Variants in PIERCE2 observed in about 807,000 individuals in gnomAD.
PIERCE2 encodes the protein piercer of microtubule wall 2.
At chr15:55,414,386 T>G in the PIERCE2 span, among the ~76,000 whole-genome samples, 1 of 151,860 alleles carries the variant, frequency 6.6e-6, no homozygotes, top group African/African-American at 2.4e-5. Context: ...ATTTTTTGTA[T>G]TTTTAGTAGA....
the PIERCE2 span, chr15:55,418,121 G>C: frequency 6.3e-7 from 1 of 1,583,204 alleles, no homozygotes; most frequent in Non-Finnish European, 8.5e-7. Context: ...ATGCCCTCAA[G>C]AGAACAGAAT....
chr15:55,411,072 T>C, the PIERCE2 span: 2 of 152,218 alleles, frequency 1.3e-5, no homozygotes, highest in Admixed American at 6.5e-5. Flanking sequence ...TAAGTGAATA[T>C]TAGCAAACCA....
chr15:55,412,735 G>C, the PIERCE2 span, among the ~76,000 whole-genome samples: 9 of 151,968 alleles, frequency 5.9e-5, no homozygotes, highest in African/African-American at 2.2e-4. Context: ...TTTGTGAACA[G>C]CCAGTGCACT....
chr15:55,417,327 T>C, the PIERCE2 span, among the ~76,000 whole-genome samples: 1 of 152,198 alleles, frequency 6.6e-6, no homozygotes, highest in Admixed American at 6.6e-5. Flanking sequence ...CCTTGCCTTA[T>C]AGTCAATCTT....
At chr15:55,410,561 A>G in the PIERCE2 span, 1 of 152,348 alleles carries the variant, frequency 6.6e-6, no homozygotes, top group Non-Finnish European at 1.5e-5. Context: ...AGGCAAGAGA[A>G]TCGCTTGAAT....
At chr15:55,418,518 C>A in the PIERCE2 span, 1 of 1,524,032 alleles carries the variant, frequency 6.6e-7, no homozygotes, top group Non-Finnish European at 8.8e-7. Flanking sequence ...CTAAATACTG[C>A]ACCTGACAGA....
At chr15:55,409,942 CAT>C in the PIERCE2 span, among the ~76,000 whole-genome samples, 2 of 152,144 alleles carry the variant, frequency 1.3e-5, no homozygotes, top group Non-Finnish European at 2.9e-5. Flanking sequence ...AAGTTGATGA[CAT>C]GTGGCAGATA....
At chr15:55,415,441 A>G in the PIERCE2 span, among the ~76,000 whole-genome samples, 154 of 138,812 alleles carry the variant, frequency 1.1e-3, no homozygotes, top group Non-Finnish European at 1.6e-3. Flanking sequence ...GGGGGACGAG[A>G]GTGAAACTTC....
the PIERCE2 span, chr15:55,417,734 A>T: frequency 2.3e-5 from 4 of 174,692 alleles, no homozygotes; most frequent in Non-Finnish European, 4.9e-5. Context: ...CAACGTCAAG[A>T]GAAGAGACCA....
the PIERCE2 span, among the ~76,000 whole-genome samples, chr15:55,409,935 TTGA>T: frequency 2.0e-5 from 3 of 152,212 alleles, no homozygotes; most frequent in Non-Finnish European, 4.4e-5. Flanking sequence ...TTAATAAAAG[TTGA>T]TGACATGTGG....
the PIERCE2 span, among the ~76,000 whole-genome samples, chr15:55,413,683 C>A: frequency 1.4e-5 from 2 of 140,780 alleles, no homozygotes; most frequent in Non-Finnish European, 1.5e-5. Context: ...TCGCTTGAAC[C>A]TGGGAGGCAG....
the PIERCE2 span, among the ~76,000 whole-genome samples, chr15:55,417,543 C>T: frequency 6.6e-6 from 1 of 152,190 alleles, no homozygotes; most frequent in Non-Finnish European, 1.5e-5. Flanking sequence ...GTTCCTTTCT[C>T]ACTCTAAAAT....
At chr15:55,408,805 C>T in the PIERCE2 span, 13 of 1,510,678 alleles carry the variant, frequency 8.6e-6, no homozygotes, top group Non-Finnish European at 1.1e-5. Context: ...AGGCAGAGGG[C>T]TAGATGTTTG....
chr15:55,408,713 G>C, the PIERCE2 span: 15 of 1,321,826 alleles, frequency 1.1e-5, no homozygotes, highest in Non-Finnish European at 1.4e-5. Flanking sequence ...CGGCTTTCTT[G>C]CCATCTGCTG....
the PIERCE2 span, among the ~76,000 whole-genome samples, chr15:55,411,693 G>A: frequency 3.9e-5 from 6 of 151,900 alleles, no homozygotes; most frequent in Admixed American, 6.6e-5. Context: ...AGGCCGAGGC[G>A]GGCGGATCAC....
the PIERCE2 span, chr15:55,408,644 A>G: frequency 1.6e-6 from 1 of 634,442 alleles, no homozygotes; most frequent in Non-Finnish European, 2.8e-6. Context: ...CCAGCTATTC[A>G]TCTTCTGTTT....
chr15:55,413,397 CTGAG>C, the PIERCE2 span, among the ~76,000 whole-genome samples: 1 of 152,076 alleles, frequency 6.6e-6, no homozygotes, highest in Non-Finnish European at 1.5e-5. Context: ...GCACTCTAGC[CTGAG>C]TGACAGAGAA....
chr15:55,415,315 A>G, the PIERCE2 span, among the ~76,000 whole-genome samples: 37 of 151,964 alleles, frequency 2.4e-4, no homozygotes. Context: ...TAAAAATACA[A>G]AAATTAGCCA....
the PIERCE2 span, chr15:55,417,698 GTGTA>G: frequency 6.0e-6 from 1 of 166,522 alleles, no homozygotes; most frequent in Admixed American, 5.7e-5. Flanking sequence ...CTGTGTACAG[GTGTA>G]TGTGATTTTA....
Sources: gnomAD v4.1 joint callset for allele counts (sites outside exome capture counted in the v4.1 genomes callset) on GRCh38, gnomAD v4.1.1 for gene constraint, MANE v1.5 for transcripts, NCBI Gene and HGNC (gene_info 2026-07-23, HGNC 2026-07-21) for gene names.